The following BICRAL variants were observed in gnomAD, a reference collection of about 807,000 sequenced individuals.
BICRAL encodes the protein BRD4-interacting chromatin-remodeling complex-associated protein-like.
BICRAL carries 8 observed loss-of-function variants against 91.8 expected under a neutral mutation model. That is an observed-to-expected ratio of 0.09 (90% CI 0.05 to 0.16). The LOEUF is 0.16. BICRAL is among the 10% of genes least tolerant of loss of function. BICRAL has a pLI of 1.00. For synonymous variants in BICRAL, 445 were observed against 491.1 expected (o/e 0.91, Z 1.24); for missense variants, 1,038 against 1,310.9 (o/e 0.79, Z 3.21).
intron 1 of BICRAL, among the ~76,000 whole-genome samples, chr6:42,783,430 G>C (rs867921249): frequency 1.2e-4 from 18 of 152,104 alleles, no homozygotes; most frequent in Non-Finnish European, 7.4e-5. Flanking sequence ...GATATTGGGT[G>C]GGGGGGTGCG....
chr6:42,781,866 A>T (rs1159848540), upstream of BICRAL: 1 of 148,420 alleles, frequency 6.7e-6, no homozygotes, highest in Non-Finnish European at 1.5e-5. Flanking sequence ...GAGGTAGACG[A>T]GCAGGCGAGC....
chr6:42,778,443 G>A (rs919498187), upstream of BICRAL, among the ~76,000 whole-genome samples: 3 of 152,170 alleles, frequency 2.0e-5, no homozygotes, highest in African/African-American at 7.2e-5. Flanking sequence ...TATTCTTCGG[G>A]TTTGAGTGAA....
chr6:42,783,991 T>G (rs1763025174), intron 1 of BICRAL, among the ~76,000 whole-genome samples: 1 of 152,158 alleles, frequency 6.6e-6, no homozygotes, highest in South Asian at 2.1e-4. Flanking sequence ...TCCAGGACAT[T>G]GTCTGTCTGC....
At position 42,868,403 on chromosome 6, in the gene BICRAL, AC is replaced by A. The variant is rs1408190938; in HGVS notation, c.*2958del. On this transcript the variant is annotated 3_prime_UTR_variant, in exon 13 of 13. Transcript: ENST00000314073. ...TAAAATGTTTTGTAAAAAAAAAAAA[AC>A]TATAACAAATTGCAGTTTATTTTGT... 1.3e-5 allele frequency: 2 copies of A among 152,526 alleles called. No homozygotes were observed. The highest frequency in any genetic ancestry group is 3.9e-4 in the East Asian group (2 of 5,192). 9.4% of individuals were successfully genotyped at this position (152,526 alleles called of 1,614,324 possible).
Position 42,865,599 on chromosome 6 carries a change from A to C in BICRAL, c.*153A>C. On this transcript the variant is annotated 3_prime_UTR_variant, in exon 13 of 13. Transcript: ENST00000314073. ...TCACAGGTTATTCTTTCTAATCTCAATCCTGTTCTTTGTTTAAGAGCAATA... is the reference window on the plus strand; with the variant it reads ...TCACAGGTTATTCTTTCTAATCTCACTCCTGTTCTTTGTTTAAGAGCAATA... The C allele has an allele frequency of 3.3e-6, 2 of 602,122 alleles. No individual in the cohort carries two copies. Among genetic ancestry groups the C allele is most frequent in the Non-Finnish European group, 3.0e-6 (1 of 335,294 alleles). 37.3% of individuals were successfully genotyped at this position (602,122 alleles called of 1,614,324 possible). A position where few individuals can be genotyped will look rare whatever the true frequency, so the allele number is the denominator to read the frequency against.
chr6:42,819,152 G>C (rs745864039), intron 2 of BICRAL, among the ~76,000 whole-genome samples: 2 of 152,182 alleles, frequency 1.3e-5, no homozygotes, highest in Non-Finnish European at 2.9e-5. Context: ...GTTGTTACTT[G>C]AATGTGAAAA....
chr6:42,850,521 CA>C (rs35580515), intron 6 of BICRAL, among the ~76,000 whole-genome samples: 36 of 135,222 alleles, frequency 2.7e-4, no homozygotes, highest in Admixed American at 3.7e-4. Context: ...CTTCATCTTT[CA>C]AAAAAAAAAA....
chr6:42,813,723 G>A (rs1763902682), intron 2 of BICRAL, among the ~76,000 whole-genome samples: 1 of 152,014 alleles, frequency 6.6e-6, no homozygotes, highest in Non-Finnish European at 1.5e-5. Context: ...GTTTTTCCAT[G>A]TTGCGCAGGA....
At chr6:42,844,355 A>C (rs1764916284) in intron 6 of BICRAL, among the ~76,000 whole-genome samples, 1 of 150,848 alleles carries the variant, frequency 6.6e-6, no homozygotes, top group African/African-American at 2.4e-5. Context: ...TAAACATACA[A>C]AAAATTAGCC....
At chr6:42,779,263 CACACACACACAT>C (rs1428998340), upstream of BICRAL, among the ~76,000 whole-genome samples, 14 of 146,518 alleles carry the variant, frequency 9.6e-5, no homozygotes, top group East Asian at 1.2e-3. Flanking sequence ...CACACACACA[CACACACACACAT>C]ATCATTGGAG....
chr6:42,824,699 A>G (rs1004998517), intron 5 of BICRAL, among the ~76,000 whole-genome samples: 1 of 152,264 alleles, frequency 6.6e-6, no homozygotes, highest in Admixed American at 6.5e-5. Flanking sequence ...ACCTTGTTAC[A>G]TAATAATCTT....
chr6:42,867,255 C>T lies in BICRAL; in HGVS notation c.*1809C>T, dbSNP rs1174773077. The T allele has an allele frequency of 6.3e-6, 1 of 158,622 alleles. No individual in the cohort carries two copies. The highest frequency in any genetic ancestry group is 1.8e-4 in the East Asian group (1 of 5,504). 9.8% of individuals were successfully genotyped at this position (158,622 alleles called of 1,614,324 possible). A position where few individuals can be genotyped will look rare whatever the true frequency, so the allele number is the denominator to read the frequency against. On this transcript the variant is annotated 3_prime_UTR_variant, in exon 13 of 13. Transcript: ENST00000314073. ...CCTGTGTCCCACTACACACAGAAAACCCTGTGAGATGGCCAGTCTTCATAA... is the reference window on the plus strand; with the variant it reads ...CCTGTGTCCCACTACACACAGAAAATCCTGTGAGATGGCCAGTCTTCATAA...
At chr6:42,755,582 C>T (rs1762445413) in intron 1 of BICRAL, among the ~76,000 whole-genome samples, 2 of 152,118 alleles carry the variant, frequency 1.3e-5, no homozygotes, top group African/African-American at 4.8e-5. Context: ...CTTTGTCTCT[C>T]TCCTTCTCAC....
At chr6:42,775,124 G>A (rs1050571520) in intron 1 of BICRAL, among the ~76,000 whole-genome samples, 11 of 152,028 alleles carry the variant, frequency 7.2e-5, no homozygotes, top group Admixed American at 1.3e-4. Flanking sequence ...GTAGAGACAG[G>A]GTTTCACCAT....
chr6:42,851,231 T>C (rs1015391774), intron 6 of BICRAL, among the ~76,000 whole-genome samples: 4 of 151,994 alleles, frequency 2.6e-5, no homozygotes, highest in African/African-American at 4.8e-5. Context: ...ACTTAAAATG[T>C]ATTATAGAGG....
chr6:42,802,766 A>G (rs971779230), intron 1 of BICRAL, among the ~76,000 whole-genome samples: 10 of 151,794 alleles, frequency 6.6e-5, no homozygotes, highest in African/African-American at 2.2e-4. Context: ...TTTTTAATAG[A>G]GATGAGGTCT....
chr6:42,770,829 T>A (rs138065237), intron 1 of BICRAL, among the ~76,000 whole-genome samples: 2 of 151,868 alleles, frequency 1.3e-5, no homozygotes, highest in African/African-American at 4.8e-5. Context: ...TAGCTGGGAT[T>A]CCAGGTGCCC....
At chr6:42,804,335 T>G (rs894234256) in intron 1 of BICRAL, among the ~76,000 whole-genome samples, 2 of 152,212 alleles carry the variant, frequency 1.3e-5, no homozygotes, top group African/African-American at 4.8e-5. Flanking sequence ...TATTATACTC[T>G]TAAGGGACCA....
chr6:42,799,314 T>C (rs1302008328), intron 1 of BICRAL, among the ~76,000 whole-genome samples: 3 of 151,480 alleles, frequency 2.0e-5, no homozygotes, highest in Non-Finnish European at 2.9e-5. Context: ...TTTTTTTTTT[T>C]CTGAGATGGA....
Sources: allele counts gnomAD v4.1 joint callset (sites outside exome capture counted in the v4.1 genomes callset), GRCh38; gene constraint gnomAD v4.1.1; transcripts MANE v1.5; gene names NCBI Gene and HGNC (gene_info 2026-07-23, HGNC 2026-07-21).